The following EBF1 variants were observed in gnomAD, a reference collection of about 807,000 sequenced individuals.
The protein encoded by EBF1 is transcription factor COE1.
EBF1 carries 10 observed loss-of-function variants against 68.4 expected under a neutral mutation model. The ratio of observed to expected loss-of-function variants is 0.15; its 90% CI spans 0.09 to 0.25. The LOEUF (loss-of-function observed/expected upper bound fraction) is 0.25, where lower values mean the gene tolerates loss of function less well. Ranked by LOEUF, EBF1 falls within the 10% of genes least tolerant of loss-of-function variation. EBF1 has a pLI of 1.00. For missense variants in EBF1, 509 were observed against 794.4 expected (o/e 0.64, Z 4.32); for synonymous variants, 298 against 299.8 (o/e 0.99, Z 0.06).
At chr5:158,830,438 T>C (rs758454434) in intron 7 of EBF1, among the ~76,000 whole-genome samples, 34 of 152,290 alleles carry the variant, frequency 2.2e-4, no homozygotes, top group Non-Finnish European at 4.0e-4. Flanking sequence ...ACCCAGCTAA[T>C]TTTTATATTT....
chr5:158,982,041 A>G (rs1758004476), intron 6 of EBF1, among the ~76,000 whole-genome samples: 1 of 152,196 alleles, frequency 6.6e-6, no homozygotes, highest in African/African-American at 2.4e-5. Flanking sequence ...TGTTCCCACT[A>G]TGTGCTTAAA....
chr5:158,802,713 T>C (rs763558715), intron 8 of EBF1, among the ~76,000 whole-genome samples: 2 of 152,174 alleles, frequency 1.3e-5, no homozygotes, highest in Non-Finnish European at 2.9e-5. Context: ...TAGTGCAACC[T>C]TGAAACAGTC....
chr5:158,970,203 C>A (rs1755344266), intron 6 of EBF1, among the ~76,000 whole-genome samples: 1 of 152,140 alleles, frequency 6.6e-6, no homozygotes, highest in Admixed American at 6.5e-5. Context: ...ATCATTTCTT[C>A]CAGAGTGCAG....
At chr5:159,011,508 G>A (rs936539557) in intron 6 of EBF1, among the ~76,000 whole-genome samples, 3 of 152,190 alleles carry the variant, frequency 2.0e-5, no homozygotes, top group African/African-American at 7.2e-5. Flanking sequence ...AAGTTTGGGG[G>A]GCTGGTTAAA....
chr5:158,897,599 C>T (rs192422957), intron 6 of EBF1, among the ~76,000 whole-genome samples: 5 of 152,142 alleles, frequency 3.3e-5, no homozygotes, highest in Admixed American at 2.0e-4. Context: ...ATCATTCTTG[C>T]TCTCATCTAG....
rs1798106864 is a variant in EBF1 at position 158,877,948 on chromosome 5, C to T, written c.555-37838G>A. ...AGGAATAGAATGCATATGCCAACTCCTGAGTCACAATGGAAAATAACATAA... is the reference window on the plus strand; with the variant it reads ...AGGAATAGAATGCATATGCCAACTCTTGAGTCACAATGGAAAATAACATAA... On this transcript the variant is annotated intron_variant, in intron 6 of 15. Coordinates refer to ENST00000313708, the MANE Select transcript of EBF1 (RefSeq NM_024007.5). Among the ~76,000 whole-genome samples the T allele has an allele frequency of 2.0e-5, 3 of 151,968 alleles. No individual in the cohort carries two copies. In the South Asian group the frequency reaches 6.2e-4, roughly 32 times the overall value.
chr5:158,816,368 C>T (rs1783738768), intron 8 of EBF1, among the ~76,000 whole-genome samples: 1 of 152,238 alleles, frequency 6.6e-6, no homozygotes, highest in South Asian at 2.1e-4. Flanking sequence ...GGAAACTATG[C>T]AAACCCTGAA....
At chr5:158,705,727 G>C (rs930186968) in intron 15 of EBF1, among the ~76,000 whole-genome samples, 2 of 152,174 alleles carry the variant, frequency 1.3e-5, no homozygotes, top group East Asian at 3.9e-4. Flanking sequence ...CCCAGCCCCT[G>C]TTTCCAACCA....
chr5:158,920,628 G>C (rs769493538), intron 6 of EBF1, among the ~76,000 whole-genome samples: 1 of 152,130 alleles, frequency 6.6e-6, no homozygotes, highest in East Asian at 1.9e-4. Context: ...GCCCAGCCTG[G>C]AGTGCAGTGG....
At chr5:159,008,346 C>T (rs960242714) in intron 6 of EBF1, among the ~76,000 whole-genome samples, 1 of 151,748 alleles carries the variant, frequency 6.6e-6, no homozygotes. Context: ...TATCCAATAG[C>T]GAGGATCTTT....
intron 6 of EBF1, among the ~76,000 whole-genome samples, chr5:158,995,789 A>G (rs1298416607): frequency 6.6e-6 from 1 of 152,126 alleles, no homozygotes; most frequent in African/African-American, 2.4e-5. Context: ...ATCACAGTGC[A>G]CTCTGTGCTA....
chr5:158,962,392 C>A (rs1036543543), intron 6 of EBF1, among the ~76,000 whole-genome samples: 2 of 152,106 alleles, frequency 1.3e-5, no homozygotes, highest in Non-Finnish European at 2.9e-5. Flanking sequence ...GGACCATATA[C>A]CCCATCTACA....
At chr5:158,794,106 G>T (rs1407733214) in intron 9 of EBF1, among the ~76,000 whole-genome samples, 1 of 152,120 alleles carries the variant, frequency 6.6e-6, no homozygotes, top group African/African-American at 2.4e-5. Context: ...GGTCATAGTT[G>T]ATTTATGACA....
Position 158,708,234 on chromosome 5 carries a change from G to A in EBF1, c.1550-61C>T, listed in dbSNP as rs879016212. The A allele has an allele frequency of 3.1e-5, 46 of 1,506,900 alleles. No homozygotes were observed. The South Asian group carries it at 5.0e-4, about 16-fold the overall frequency. 93.3% of individuals were successfully genotyped at this position (1,506,900 alleles called of 1,614,324 possible). A position where few individuals can be genotyped will look rare whatever the true frequency, so the allele number is the denominator to read the frequency against. ...TTTCATGGCATCCTGAAGCAAAGAA[G>A]CTCAGATCCATCCCTCACCCAGCCA... On this transcript the variant is annotated intron_variant, in intron 14 of 15. Coordinates refer to ENST00000313708, the MANE Select transcript of EBF1 (RefSeq NM_024007.5).
rs141574955 is a variant in EBF1 at position 158,800,395 on chromosome 5, A to C, written c.779-3920T>G. The stretch of plus-strand genomic sequence containing the variant: ...TCCCCAGCAGGTCCTTATAAAAAGA[A>C]CTAGACTGGGGTTGACAGAAAAGGA... On this transcript the variant is annotated intron_variant, in intron 8 of 15. Coordinates refer to ENST00000313708, the MANE Select transcript of EBF1 (RefSeq NM_024007.5). Among the ~76,000 whole-genome samples, 413 of 152,276 alleles carry C rather than the reference A, an allele frequency of 2.7e-3. 6 individuals are homozygous for C. The highest frequency in any genetic ancestry group is 0.026 in the Admixed American group (393 of 15,276).
chr5:159,095,007 A>G (rs1782335547), intron 4 of EBF1, among the ~76,000 whole-genome samples: 1 of 152,176 alleles, frequency 6.6e-6, no homozygotes, highest in Non-Finnish European at 1.5e-5. Flanking sequence ...TAAGACCACA[A>G]GCTCACTCAT....
chr5:158,869,638 T>C (rs1195073167), intron 6 of EBF1, among the ~76,000 whole-genome samples: 1 of 151,976 alleles, frequency 6.6e-6, no homozygotes, highest in African/African-American at 2.4e-5. Flanking sequence ...TTTGTTTTGT[T>C]TTGTTTTGAT....
At chr5:158,801,138 T>G (rs1050368240) in intron 8 of EBF1, among the ~76,000 whole-genome samples, 1 of 152,048 alleles carries the variant, frequency 6.6e-6, no homozygotes, top group Non-Finnish European at 1.5e-5. Context: ...CTTCAAACTA[T>G]GACAATAACA....
intron 6 of EBF1, among the ~76,000 whole-genome samples, chr5:158,995,665 G>A (rs527667057): frequency 1.3e-5 from 2 of 152,228 alleles, no homozygotes; most frequent in Admixed American, 1.3e-4. Context: ...TACCCTCTCC[G>A]ACCTTCTTAC....
Sources: gnomAD v4.1 joint callset for allele counts (sites outside exome capture counted in the v4.1 genomes callset) on GRCh38, gnomAD v4.1.1 for gene constraint, MANE v1.5 for transcripts, NCBI Gene and HGNC (gene_info 2026-07-23, HGNC 2026-07-21) for gene names.